The following GAL3ST1 variants were observed in gnomAD, a reference collection of about 807,000 sequenced individuals.
GAL3ST1 encodes galactosylceramide sulfotransferase.
In GAL3ST1, 13 loss-of-function variants were observed where a neutral mutation model predicts 25.0. The ratio of observed to expected loss-of-function variants is 0.52; its 90% CI spans 0.34 to 0.83. The LOEUF is 0.83. Ranked by LOEUF, GAL3ST1 falls within the 40% of genes least tolerant of loss-of-function variation. The pLI is 0.02. For synonymous variants in GAL3ST1, 274 were observed against 277.8 expected (o/e 0.99, Z 0.14); for missense variants, 474 against 613.6 (o/e 0.77, Z 2.40).
At position 30,570,741 on chromosome 22, in the gene GAL3ST1, G is replaced by A. The variant is rs181547899; in HGVS notation, c.-120+3725C>T. Reference sequence around the variant, plus strand: ...GCGGAGGTTGCAATGAGCCAATATCGTGCCATTGCACTCCAGCCTAGGCAA... The same window carrying A: ...GCGGAGGTTGCAATGAGCCAATATCATGCCATTGCACTCCAGCCTAGGCAA... On this transcript the variant is annotated intron_variant, in intron 1 of 3. Transcript: ENST00000406361. Among the ~76,000 whole-genome samples, 179 of 151,684 alleles carry A rather than the reference G, an allele frequency of 1.2e-3. 2 individuals are homozygous for A. Among genetic ancestry groups the A allele is most frequent in the Non-Finnish European group, 2.0e-3 (134 of 67,992 alleles).
chr22:30,558,710 C>A (rs972301159), intron 1 of GAL3ST1, among the ~76,000 whole-genome samples: 2 of 152,200 alleles, frequency 1.3e-5, no homozygotes, highest in Non-Finnish European at 2.9e-5. Context: ...GCTCAAGTCA[C>A]ACAGCTGGCC....
rs923227953 is a variant in GAL3ST1 at position 30,558,265 on chromosome 22, G to A, written c.-10+14C>T. ...CAAAATTTAAAAAAATTCACCAGGCGTGGTGGCACATGCCTGTAGTCCTAG... is the reference window on the plus strand; with the variant it reads ...CAAAATTTAAAAAAATTCACCAGGCATGGTGGCACATGCCTGTAGTCCTAG... On this transcript the variant is annotated intron_variant, in intron 2 of 3. Transcript: ENST00000406361. 1.3e-5 allele frequency: 2 copies of A among 152,158 alleles called. No homozygotes were observed. The highest frequency in any genetic ancestry group is 2.0e-4 in the East Asian group (1 of 5,112). 9.4% of individuals were successfully genotyped at this position (152,158 alleles called of 1,614,324 possible).
chr22:30,554,834 C>G lies in GAL3ST1; in HGVS notation c.*119G>C. The G allele has an allele frequency of 5.2e-6, 4 of 770,610 alleles. No homozygotes were observed. Among genetic ancestry groups the G allele is most frequent in the Non-Finnish European group, 4.0e-6 (2 of 506,110 alleles). 47.7% of individuals were successfully genotyped at this position (770,610 alleles called of 1,614,324 possible). A position where few individuals can be genotyped will look rare whatever the true frequency, so the allele number is the denominator to read the frequency against. ...GCTGCCTCCCCCCAGGGAGCCCCCC[C>G]TCACCCCGGGGTCTGAGGTGGCACC... On this transcript the variant is annotated 3_prime_UTR_variant, in exon 4 of 4. Coordinates refer to ENST00000406361, the MANE Select transcript of GAL3ST1 (RefSeq NM_001318104.2).
intron 1 of GAL3ST1, among the ~76,000 whole-genome samples, chr22:30,574,179 C>G (rs74828053): frequency 0.018 from 2,711 of 152,240 alleles, 92 homozygotes; most frequent in African/African-American, 0.061. Context: ...TTCTGCCCCA[C>G]CCATCCCACC....
rs755783998 is a variant in GAL3ST1, at chr22:30,555,990, C to G, written c.235G>C (p.Val79Leu). 2 of 1,613,166 alleles carry G rather than the reference C, an allele frequency of 1.2e-6. No individual in the cohort carries two copies. Among genetic ancestry groups the G allele is most frequent in the Non-Finnish European group, 1.7e-6 (2 of 1,179,974 alleles). ...GCCGTCTTGTGCGTCTTCAAGAACA[C>G]GATGTTGCGCCGCGGCTGGCACTCC... Reference protein sequence around the residue: ...AGECQPRRNIVFLKTHKTASS... With the variant: ...AGECQPRRNILFLKTHKTASS... Residue 79 changes from valine to leucine, a missense_variant, in exon 4 of 4, where the codon GTG (valine) becomes CTG (leucine). By Grantham distance (32) the Val-to-Leu change is conservative. Around this residue, in one of 2 missense-constraint regions of GAL3ST1, gnomAD observed 115 missense variants for 109.2 expected, o/e 1.05. Coordinates refer to ENST00000406361, the MANE Select transcript of GAL3ST1 (RefSeq NM_001318104.2). This position sits in a 1 kb window ranked among gnomAD's most constrained non-coding sequence, Gnocchi z 8.6.
chr22:30,572,184 T>C (rs1316587429), intron 1 of GAL3ST1, among the ~76,000 whole-genome samples: 2 of 152,246 alleles, frequency 1.3e-5, no homozygotes, highest in Non-Finnish European at 2.9e-5. Context: ...GCTGAGTATG[T>C]AGGAGTTGAT....
chr22:30,559,727 C>T (rs1472041790), intron 1 of GAL3ST1, among the ~76,000 whole-genome samples: 1 of 152,192 alleles, frequency 6.6e-6, no homozygotes, highest in African/African-American at 2.4e-5. Flanking sequence ...GCAACCCTAT[C>T]AGCAGGGGAC....
chr22:30,557,760 A>C, intron 2 of GAL3ST1: 1 of 177,400 alleles, frequency 5.6e-6, no homozygotes. Flanking sequence ...AAACAGAAGA[A>C]AAAATGAGAC....
chr22:30,557,148 A>C (rs773061139), intron 3 of GAL3ST1, 114 bp downstream of exon 3: 1 of 1,043,674 alleles, frequency 9.6e-7, no homozygotes, highest in African/African-American at 1.6e-5. Context: ...TGCAGGGTGC[A>C]GGGTGGCTAC....
In GAL3ST1 at chr22:30,555,649, C is replaced by T; in HGVS notation, c.576G>A (p.Lys192=). The change falls in exon 4 of 4, where the codon AAG becomes AAA. Residue 192 remains lysine, a synonymous_variant. Transcript: ENST00000406361. The surrounding 1 kb of genome is among the most constrained non-coding windows in gnomAD (Gnocchi z 8.6). Reference sequence around the variant, plus strand: ...CCGGGTCTTGCAGGAACTCGGTCAGCTTGTCGCCGGCCGAGAGCTTCCACG... The same window carrying T: ...CCGGGTCTTGCAGGAACTCGGTCAGTTTGTCGCCGGCCGAGAGCTTCCACG... ...PLTWKLSAGD[K]LTEFLQDPDR... The T allele has an allele frequency of 1.9e-6, 3 of 1,613,746 alleles. No homozygotes were observed. Among genetic ancestry groups the T allele is most frequent in the Non-Finnish European group, 2.5e-6 (3 of 1,180,034 alleles).
rs146972531 is a variant in GAL3ST1, at chr22:30,555,175, G to T, written c.1050C>A (p.His350Gln). The T allele has an allele frequency of 2.5e-6, 4 of 1,602,362 alleles. No individual in the cohort carries two copies. In the African/African-American group the frequency reaches 4.0e-5, roughly 16 times the overall value. ...RMRTICIDGGHAVDAAAIQDE... is the reference protein window; with the variant it reads ...RMRTICIDGGQAVDAAAIQDE... ...CCTGGATGGCGGCGGCGTCCACGGC[G>T]TGGCCCCCGTCGATGCAGATGGTCC... The change falls in exon 4 of 4, where the codon CAC becomes CAA. Residue 350 changes from histidine (H) to glutamine (Q), a missense_variant. This residue lies in a region of GAL3ST1 where 359 missense variants were observed against 504.4 expected (regional missense o/e 0.71). Coordinates refer to ENST00000406361, the MANE Select transcript of GAL3ST1 (RefSeq NM_001318104.2). The surrounding 1 kb of genome is among the most constrained non-coding windows in gnomAD (Gnocchi z 8.6).
intron 1 of GAL3ST1, among the ~76,000 whole-genome samples, chr22:30,569,869 G>C (rs1358363318): frequency 6.6e-6 from 1 of 152,186 alleles, no homozygotes; most frequent in Non-Finnish European, 1.5e-5. Flanking sequence ...GATTGCTTGA[G>C]CCCAGGAGTT....
intron 1 of GAL3ST1, among the ~76,000 whole-genome samples, chr22:30,561,951 G>A (rs548830811): frequency 6.6e-6 from 1 of 152,306 alleles, no homozygotes; most frequent in Admixed American, 6.5e-5. Flanking sequence ...CACACAGAGC[G>A]CTCTGTAATC....
At chr22:30,559,755 C>T (rs950880219) in intron 1 of GAL3ST1, among the ~76,000 whole-genome samples, 3 of 152,082 alleles carry the variant, frequency 2.0e-5, no homozygotes, top group Admixed American at 6.6e-5. Context: ...TGGACTGTAA[C>T]GGGGGCAGTT....
chr22:30,554,913 A>T lies in GAL3ST1; in HGVS notation c.*40T>A, dbSNP rs2085895274. 2 of 1,470,250 alleles carry T rather than the reference A, an allele frequency of 1.4e-6. No individual in the cohort carries two copies. The highest frequency in any genetic ancestry group is 1.4e-5 in the African/African-American group (1 of 71,544). The allele number at this position is 1,470,250 out of a possible 1,614,324, so 91.1% of individuals were successfully genotyped here. On this transcript the variant is annotated 3_prime_UTR_variant, in exon 4 of 4. Transcript: ENST00000406361. ...GCGGCGTCCTGCTCAGCCCCTCTGCAGGGAGCGAGCAGGCAGGCAAGCCGC... is the reference window on the plus strand; with the variant it reads ...GCGGCGTCCTGCTCAGCCCCTCTGCTGGGAGCGAGCAGGCAGGCAAGCCGC...
intron 1 of GAL3ST1, among the ~76,000 whole-genome samples, chr22:30,563,915 CAA>C (rs5844911): frequency 0.01 from 1,295 of 128,356 alleles, 5 homozygotes; most frequent in Non-Finnish European, 0.013. Flanking sequence ...GACCCCGTCT[CAA>C]AAAAAAAAAA....
chr22:30,565,805 G>A (rs2086601752), intron 1 of GAL3ST1, among the ~76,000 whole-genome samples: 1 of 152,138 alleles, frequency 6.6e-6, no homozygotes, highest in African/African-American at 2.4e-5. Context: ...CAGGTCAGTT[G>A]TCTCAGCTTT....
At chr22:30,563,216 G>C (rs1411191081) in intron 1 of GAL3ST1, 1 of 152,166 alleles carries the variant, frequency 6.6e-6, no homozygotes, top group African/African-American at 2.4e-5. Context: ...CACCACAAAT[G>C]GAAAATTCCA....
At chr22:30,573,532 G>T (rs962874329) in intron 1 of GAL3ST1, among the ~76,000 whole-genome samples, 1 of 152,184 alleles carries the variant, frequency 6.6e-6, no homozygotes, top group African/African-American at 2.4e-5. Flanking sequence ...CCCTCTCTGG[G>T]CCTCAGGTCA....
Sources: gnomAD v4.1 joint callset for allele counts (sites outside exome capture counted in the v4.1 genomes callset) on GRCh38, gnomAD v4.1.1 for gene constraint, gnomAD v4.1.1 regional missense constraint, Gnocchi (gnomAD v3.1) non-coding constraint, MANE v1.5 for transcripts, NCBI Gene and HGNC (gene_info 2026-07-23, HGNC 2026-07-21) for gene names.